MACROD2: variants seen among roughly 807,000 people sequenced by gnomAD.
MACROD2 encodes the protein mono-ADP ribosylhydrolase 2.
In MACROD2, 36 loss-of-function variants were observed where a neutral mutation model predicts 70.4. That is an observed-to-expected ratio of 0.51 (90% CI 0.39 to 0.68). The LOEUF (loss-of-function observed/expected upper bound fraction) is 0.68. MACROD2 is among the 30% of genes least tolerant of loss of function. The probability of loss-of-function intolerance (pLI) is 0.00; values close to 1 mark genes in which losing one functional copy is unlikely to be tolerated. For missense variants in MACROD2, 496 were observed against 538.4 expected (o/e 0.92, Z 0.78); for synonymous variants, 172 against 178.8 (o/e 0.96, Z 0.30).
intron 3 of MACROD2, among the ~76,000 whole-genome samples, chr20:14,202,624 G>A (rs2081488655): frequency 6.6e-6 from 1 of 152,134 alleles, no homozygotes; most frequent in Non-Finnish European, 1.5e-5. Context: ...TAAATCAGAA[G>A]TAAACAAGAA....
At chr20:14,341,926 G>A (rs1317749920) in intron 3 of MACROD2, among the ~76,000 whole-genome samples, 1 of 152,154 alleles carries the variant, frequency 6.6e-6, no homozygotes, top group Admixed American at 6.5e-5. Context: ...TATATACAGT[G>A]GACCTTTGGC....
At chr20:15,143,587 C>T (rs1032865674) in intron 5 of MACROD2, among the ~76,000 whole-genome samples, 1 of 150,016 alleles carries the variant, frequency 6.7e-6, no homozygotes, top group African/African-American at 2.4e-5. Flanking sequence ...AGTCCTTGCC[C>T]ATGCCTTCAT....
chr20:14,198,685 TCTCCCTTGCCC>T (rs1373874235), intron 3 of MACROD2, among the ~76,000 whole-genome samples: 1 of 152,194 alleles, frequency 6.6e-6, no homozygotes, highest in Non-Finnish European at 1.5e-5. Flanking sequence ...AATCAATCTC[TCTCCCTTGCCC>T]CCACCTTTTT....
At chr20:14,142,291 G>A (rs2054886895) in intron 3 of MACROD2, among the ~76,000 whole-genome samples, 1 of 152,164 alleles carries the variant, frequency 6.6e-6, no homozygotes, top group Admixed American at 6.5e-5. Context: ...TCACCAGGGT[G>A]TGCTGTGATT....
chr20:15,958,220 T>C (rs1252021081), intron 12 of MACROD2, among the ~76,000 whole-genome samples: 1 of 152,214 alleles, frequency 6.6e-6, no homozygotes, highest in Non-Finnish European at 1.5e-5. Flanking sequence ...ATTTTTAAAA[T>C]ACTGAAACAT....
At chr20:14,741,131 G>T (rs866901106) in intron 5 of MACROD2, among the ~76,000 whole-genome samples, 1 of 152,046 alleles carries the variant, frequency 6.6e-6, no homozygotes, top group Non-Finnish European at 1.5e-5. Flanking sequence ...ACAAAGTAAA[G>T]TCCAATGTTT....
At chr20:14,088,056 C>T (rs558128706) in intron 3 of MACROD2, among the ~76,000 whole-genome samples, 4 of 151,956 alleles carry the variant, frequency 2.6e-5, no homozygotes, top group African/African-American at 9.6e-5. Context: ...CTCTGCTGGG[C>T]GCATTGGCTC....
intron 5 of MACROD2, among the ~76,000 whole-genome samples, chr20:14,738,137 G>A (rs764574958): frequency 6.6e-6 from 1 of 150,610 alleles, no homozygotes. Flanking sequence ...GAATGAAAAT[G>A]GTTGGTTTTT....
chr20:15,710,000 A>G (rs575517379), intron 8 of MACROD2, among the ~76,000 whole-genome samples: 1 of 152,188 alleles, frequency 6.6e-6, no homozygotes, highest in South Asian at 2.1e-4. Flanking sequence ...TATAAGGTCA[A>G]CTTTTTTAGC....
At chr20:16,024,960 GT>G (rs1364345723) in intron 15 of MACROD2, among the ~76,000 whole-genome samples, 1 of 152,022 alleles carries the variant, frequency 6.6e-6, no homozygotes, top group East Asian at 1.9e-4. Context: ...TTGTTTGTTT[GT>G]TTTTAGAAAA....
At chr20:15,084,740 G>A (rs1277344615) in intron 5 of MACROD2, among the ~76,000 whole-genome samples, 1 of 152,048 alleles carries the variant, frequency 6.6e-6, no homozygotes, top group Non-Finnish European at 1.5e-5. Context: ...GTTCTTCCTT[G>A]GCAACAGACA....
chr20:14,614,180 G>A (rs574998695), intron 4 of MACROD2, among the ~76,000 whole-genome samples: 10 of 152,098 alleles, frequency 6.6e-5, no homozygotes, highest in Non-Finnish European at 1.3e-4. Flanking sequence ...GTGACCTTGA[G>A]CAAATTACTT....
intron 3 of MACROD2, among the ~76,000 whole-genome samples, chr20:14,449,186 T>C (rs994363600): frequency 2.6e-5 from 4 of 152,120 alleles, no homozygotes; most frequent in African/African-American, 9.7e-5. Context: ...CCTCAGTGTA[T>C]GCTAAATGCT....
At chr20:14,695,544 G>T (rs189289256) in intron 5 of MACROD2, among the ~76,000 whole-genome samples, 1 of 152,298 alleles carries the variant, frequency 6.6e-6, no homozygotes, top group African/African-American at 2.4e-5. Context: ...CTCTCTCTGA[G>T]CATGGCCAGT....
intron 6 of MACROD2, among the ~76,000 whole-genome samples, chr20:15,249,115 A>ATT (rs2077131520): frequency 6.6e-6 from 1 of 152,208 alleles, no homozygotes; most frequent in African/African-American, 2.4e-5. Context: ...AAGGACAAGG[A>ATT]CGCTGAGGTA....
intron 6 of MACROD2, among the ~76,000 whole-genome samples, chr20:15,402,881 G>A (rs2045949217): frequency 6.6e-6 from 1 of 152,158 alleles, no homozygotes; most frequent in African/African-American, 2.4e-5. Context: ...ATTTAAATAT[G>A]TTGAGAGAAA....
At chr20:15,247,747 G>C (rs2146020228) in intron 6 of MACROD2, among the ~76,000 whole-genome samples, 1 of 151,912 alleles carries the variant, frequency 6.6e-6, no homozygotes, top group East Asian at 1.9e-4. Context: ...GCCCAGGCTA[G>C]AATGCAGTGA....
intron 3 of MACROD2, among the ~76,000 whole-genome samples, chr20:14,447,653 CA>C (rs1404942438): frequency 6.6e-6 from 1 of 151,840 alleles, no homozygotes; most frequent in African/African-American, 2.4e-5. Flanking sequence ...GAAAAGCTGT[CA>C]AAAAGGGCCT....
In MACROD2 at chr20:15,853,959, T is replaced by C. The variant is rs549754645; in HGVS notation, c.646-8786T>C. ...TCAAGGTCACAGGTAAATGGTAAAG[T>C]CAAGTAGGGACACAGGCAGCTGCTT... On this transcript the variant is annotated intron_variant, in intron 8 of 17. Coordinates refer to ENST00000684519, the MANE Select transcript of MACROD2 (RefSeq NM_001351661.2). 3.3e-5 allele frequency among the ~76,000 whole-genome samples: 5 copies of C among 152,148 alleles called. No individual in the cohort carries two copies. In the East Asian group the frequency reaches 9.7e-4, roughly 30 times the overall value.
Sources: allele counts gnomAD v4.1 joint callset (sites outside exome capture counted in the v4.1 genomes callset), GRCh38; gene constraint gnomAD v4.1.1; transcripts MANE v1.5; gene names NCBI Gene and HGNC (gene_info 2026-07-23, HGNC 2026-07-21).